TDRD5: variants seen among roughly 807,000 people sequenced by gnomAD.
The protein encoded by TDRD5 is tudor domain-containing protein 5.
In TDRD5, 41 loss-of-function variants were observed where a neutral mutation model predicts 120.6. That is an observed-to-expected ratio of 0.34 (90% confidence interval 0.26 to 0.44). TDRD5 has a LOEUF of 0.44. TDRD5 is among the 20% of genes least tolerant of loss of function. TDRD5 has a pLI of 1.00. For synonymous variants in TDRD5, 430 were observed against 433.7 expected, an observed-to-expected ratio of 0.99 and a Z score of 0.11; for missense variants, 1,006 against 1,221.2, an observed-to-expected ratio of 0.82 and a Z score of 2.63.
intron 11 of TDRD5, among the ~76,000 whole-genome samples, chr1:179,649,415 G>A (rs978995150): frequency 1.3e-5 from 2 of 151,276 alleles, no homozygotes; most frequent in African/African-American, 2.4e-5. Context: ...CCTTTCTATC[G>A]TATTTTACAT....
intron 6 of TDRD5, among the ~76,000 whole-genome samples, chr1:179,622,135 G>A (rs1031287170): frequency 6.6e-6 from 1 of 152,174 alleles, no homozygotes; most frequent in Admixed American, 6.5e-5. Flanking sequence ...TTAGAACAGT[G>A]CCTGGCACAT....
rs907462680 is a variant in TDRD5 at position 179,662,695 on chromosome 1, GTATT to G, written c.2505+413_2505+416del. Among the ~76,000 whole-genome samples, 11 of 152,266 alleles carry G rather than the reference GTATT, an allele frequency of 7.2e-5. No homozygotes were observed. In the South Asian group the frequency reaches 1.0e-3, roughly 14 times the overall value. ...AAGCTATATATTCTGGAATTCAAAA[GTATT>G]TATCAGGCCATAATTCAAAGAATAC... On this transcript the variant is annotated intron_variant, in intron 15 of 17. Transcript: ENST00000444136.
At chr1:179,638,958 G>A (rs889524561) in intron 9 of TDRD5, among the ~76,000 whole-genome samples, 1 of 152,232 alleles carries the variant, frequency 6.6e-6, no homozygotes, top group Non-Finnish European at 1.5e-5. Context: ...TCTGTTGCTA[G>A]AGAAAAGGGA....
chr1:179,682,211 A>G (rs1680460979), intron 17 of TDRD5, among the ~76,000 whole-genome samples: 1 of 151,176 alleles, frequency 6.6e-6, no homozygotes, highest in African/African-American at 2.4e-5. Flanking sequence ...ATTGAATGCC[A>G]GACACTGTGA....
chr1:179,657,551 A>C (rs907566335), intron 14 of TDRD5, among the ~76,000 whole-genome samples: 2 of 152,096 alleles, frequency 1.3e-5, no homozygotes, highest in Non-Finnish European at 2.9e-5. Flanking sequence ...ATCTGTTTTC[A>C]TGAGATATTG....
At position 179,679,020 on chromosome 1, in the gene TDRD5, A is replaced by G. The variant is rs564094729; in HGVS notation, c.2860+9616A>G. Among the ~76,000 whole-genome samples the G allele has an allele frequency of 2.6e-5, 4 of 152,328 alleles. No homozygotes were observed. In the East Asian group the frequency reaches 7.7e-4, roughly 29 times the overall value. The stretch of plus-strand genomic sequence containing the variant: ...TAGCCTTTTTGTAGATGCTGTTGGT[A>G]GGCTAAGAAAGTTCCAATTTATTCC... On this transcript the variant is annotated intron_variant, in intron 17 of 17. Transcript: ENST00000444136.
intron 6 of TDRD5, among the ~76,000 whole-genome samples, chr1:179,628,103 G>T (rs61826407): frequency 3.3e-5 from 5 of 151,868 alleles, no homozygotes; most frequent in Admixed American, 2.0e-4. Context: ...AAGCCTGTGG[G>T]GATATTCATT....
At chr1:179,596,219 A>G (rs1675384035) in intron 4 of TDRD5, among the ~76,000 whole-genome samples, 1 of 152,228 alleles carries the variant, frequency 6.6e-6, no homozygotes, top group African/African-American at 2.4e-5. Context: ...CTATTAGAAT[A>G]TAACCAATAA....
intron 4 of TDRD5, among the ~76,000 whole-genome samples, chr1:179,596,359 T>C (rs1039450618): frequency 6.6e-6 from 1 of 152,240 alleles, no homozygotes; most frequent in African/African-American, 2.4e-5. Flanking sequence ...TTACATGTAG[T>C]AAAATTTACT....
intron 14 of TDRD5, among the ~76,000 whole-genome samples, chr1:179,655,336 G>A (rs7549258): frequency 0.91 from 139,183 of 152,188 alleles, 64,329 homozygotes; most frequent in Non-Finnish European, 0.98. Context: ...ACTATTCAAT[G>A]TTTACATTAC....
At chr1:179,685,560 G>T (rs557450578) in intron 17 of TDRD5, among the ~76,000 whole-genome samples, 2 of 152,018 alleles carry the variant, frequency 1.3e-5, no homozygotes, top group Non-Finnish European at 2.9e-5. Context: ...TTAAAGTAGT[G>T]TTTTCCAATT....
At chr1:179,623,551 C>T (rs1436882141) in intron 6 of TDRD5, among the ~76,000 whole-genome samples, 4 of 147,168 alleles carry the variant, frequency 2.7e-5, no homozygotes, top group Admixed American at 1.3e-4. Flanking sequence ...TCTGTTAAAA[C>T]ATTTAAGGAA....
chr1:179,666,914 GACTA>G (rs1380490147), intron 16 of TDRD5, among the ~76,000 whole-genome samples: 1 of 152,178 alleles, frequency 6.6e-6, no homozygotes, highest in Non-Finnish European at 1.5e-5. Context: ...TGTTTGTTGA[GACTA>G]ACCTGTAGTT....
intron 17 of TDRD5, among the ~76,000 whole-genome samples, chr1:179,677,112 G>A (rs1365320860): frequency 2.6e-5 from 4 of 152,002 alleles, no homozygotes; most frequent in Admixed American, 6.5e-5. Context: ...GAGCTCTGAA[G>A]TTCTTTCTTC....
intron 16 of TDRD5, among the ~76,000 whole-genome samples, chr1:179,666,270 C>T (rs1259630964): frequency 6.6e-6 from 1 of 152,178 alleles, no homozygotes; most frequent in African/African-American, 2.4e-5. Flanking sequence ...AGCACCTTTC[C>T]ATTTCAATAC....
chr1:179,654,179 A>G, intron 13 of TDRD5, 22 bp from the exon 14 acceptor site: 2 of 1,487,330 alleles, frequency 1.3e-6, no homozygotes, highest in South Asian at 1.4e-5. Flanking sequence ...AAAATAAAGG[A>G]ATTCTCTTTC....
intron 11 of TDRD5, among the ~76,000 whole-genome samples, chr1:179,641,902 TGG>T: frequency 6.6e-6 from 1 of 152,174 alleles, no homozygotes; most frequent in Non-Finnish European, 1.5e-5. Flanking sequence ...ATATGTTTTT[TGG>T]TGGAAGCCTG....
chr1:179,669,210 G>A lies in TDRD5; in HGVS notation c.2666G>A (p.Gly889Asp), dbSNP rs936132923. ...NRTQKQLDIN[G>D]SSDSSTLPKL... ...ATTCTGCAGCAACTAGACATAAATG[G>A]TTCTTCAGATTCTTCCACACTGCCC... Residue 889 changes from glycine to aspartate, a missense_variant, in exon 17 of 18, where the codon GGT (glycine) becomes GAT (aspartate). Physicochemically the swap from Gly to Asp is moderately conservative, Grantham distance 94. Coordinates refer to ENST00000444136, the MANE Select transcript of TDRD5 (RefSeq NM_001199085.3). 8 of 1,613,338 alleles carry A rather than the reference G, an allele frequency of 5.0e-6. No individual in the cohort carries two copies. The highest frequency in any genetic ancestry group is 4.0e-5 in the African/African-American group (3 of 74,812).
At chr1:179,640,592 T>A in intron 11 of TDRD5, 147 bp downstream of exon 11, 1 of 805,008 alleles carries the variant, frequency 1.2e-6, no homozygotes, top group Non-Finnish European at 2.0e-6. Flanking sequence ...AATAGACATG[T>A]AGACAAAAAT....
Sources: gnomAD v4.1 joint callset for allele counts (sites outside exome capture counted in the v4.1 genomes callset) on GRCh38, gnomAD v4.1.1 for gene constraint, MANE v1.5 for transcripts, NCBI Gene and HGNC (gene_info 2026-07-23, HGNC 2026-07-21) for gene names.